Variants in HACL1 observed in about 807,000 individuals in gnomAD.
The protein encoded by HACL1 is 1600020H07Rik.
HACL1 carries 64 observed loss-of-function variants against 74.2 expected under a neutral mutation model. That is an observed-to-expected ratio of 0.86 (90% confidence interval 0.70 to 1.06). HACL1 has a LOEUF of 1.06. Among genes scored for constraint, HACL1 ranks in the 50% least tolerant of loss-of-function variants. HACL1 has a pLI of 0.00. For synonymous variants in HACL1, 230 were observed against 238.8 expected, an observed-to-expected ratio of 0.96 and a Z score of 0.34; for missense variants, 728 against 719.7, an observed-to-expected ratio of 1.01 and a Z score of -0.13.
At chr3:15,591,789 T>C in intron 3 of HACL1, 109 bp from the exon 4 acceptor site, 2 of 637,492 alleles carry the variant, frequency 3.1e-6, no homozygotes, top group Non-Finnish European at 5.7e-6. Flanking sequence ...GACATACAAG[T>C]CTTTACTATA....
At chr3:15,591,902 CTATA>C (rs1285685745) in intron 3 of HACL1, among the ~76,000 whole-genome samples, 2 of 149,704 alleles carry the variant, frequency 1.3e-5, no homozygotes, top group Admixed American at 6.7e-5. Context: ...AGTGTATACA[CTATA>C]TATGTATATA....
chr3:15,570,883 A>C (rs980818489), intron 12 of HACL1, among the ~76,000 whole-genome samples: 5 of 152,104 alleles, frequency 3.3e-5, no homozygotes, highest in African/African-American at 1.2e-4. Context: ...AACAGCTATT[A>C]TAATAGCACG....
At chr3:15,591,871 C>A (rs962436501) in intron 3 of HACL1, among the ~76,000 whole-genome samples, 191 bp from the exon 4 acceptor site, 7 of 150,070 alleles carry the variant, frequency 4.7e-5, no homozygotes, top group African/African-American at 1.7e-4. Flanking sequence ...GATATATATA[C>A]ATACACACAT....
At position 15,563,470 on chromosome 3, in the gene HACL1, A is replaced by G; in HGVS notation, c.1592T>C (p.Phe531Ser). 3.1e-6 allele frequency: 5 copies of G among 1,612,112 alleles called. No individual in the cohort carries two copies. The South Asian group carries it at 5.5e-5, about 18-fold the overall frequency. The part of the protein sequence containing the change: ...VMTAFGGKGY[F>S]VQTPEELQKS... ...TTGGAGTTCTTCTGGTGTTTGTACA[A>G]AATACCCTTTGCCTCCAAATGCAGT... The change falls in exon 16 of 17, where the codon TTT (phenylalanine) becomes TCT (serine). Residue 531 changes from phenylalanine to serine, a missense_variant. Transcript: ENST00000321169.
chr3:15,573,387 T>C lies in HACL1; in HGVS notation c.910-145A>G. ...TTCAGAAGTTCCTTAATAAAAAAAG[T>C]AAAAGTCCATAGAACTATATTAGTA... On this transcript the variant is annotated intron_variant, in intron 10 of 16. Transcript: ENST00000321169. 5.1e-6 allele frequency: 3 copies of C among 593,396 alleles called. No homozygotes were observed. In the South Asian group the frequency reaches 6.4e-5, roughly 13 times the overall value. 36.8% of individuals were successfully genotyped at this position (593,396 alleles called of 1,614,324 possible).
chr3:15,581,838 C>A (rs748550724), intron 8 of HACL1, among the ~76,000 whole-genome samples: 4 of 152,126 alleles, frequency 2.6e-5, no homozygotes, highest in Non-Finnish European at 4.4e-5. Flanking sequence ...TTGTGTAATC[C>A]CTGCCTTATC....
chr3:15,569,256 G>A (rs1169882369), intron 12 of HACL1, among the ~76,000 whole-genome samples: 1 of 152,102 alleles, frequency 6.6e-6, no homozygotes, highest in African/African-American at 2.4e-5. Context: ...TTGTTCTGCT[G>A]GAGATTATAC....
chr3:15,573,228 T>C lies in HACL1; in HGVS notation c.924A>G (p.Ala308=). 2.5e-6 allele frequency: 4 copies of C among 1,603,560 alleles called. No homozygotes were observed. The highest frequency in any genetic ancestry group is 3.4e-6 in the Non-Finnish European group (4 of 1,170,582). The change falls in exon 11 of 17, where the codon GCA becomes GCG. Residue 308 remains alanine, a synonymous_variant. Coordinates refer to ENST00000321169, the MANE Select transcript of HACL1 (RefSeq NM_012260.4). ...DVKFIQVDIC[A]EELGNNVKPA... ...GCTTTACATTATTCCCCAATTCTTC[T>C]GCACAGATATCAACCTAAAAAAGAG...
Position 15,560,904 on chromosome 3 carries a change from A to T in HACL1, c.1705-7T>A. 6.3e-7 allele frequency: 1 copy of T among 1,595,166 alleles called. No homozygotes were observed. Among genetic ancestry groups the T allele is most frequent in the Non-Finnish European group, 8.6e-7 (1 of 1,163,350 alleles). ...GGGTCAGCCAATGAAAATCCTAGAA[A>T]AAGAAGACAACAAACATTCAGTCAA... On this transcript the variant is annotated splice_region_variant and splice_polypyrimidine_tract_variant and intron_variant, in intron 16 of 16. Transcript: ENST00000321169.
chr3:15,583,899 C>T (rs2063751562), intron 7 of HACL1, among the ~76,000 whole-genome samples: 2 of 152,182 alleles, frequency 1.3e-5, no homozygotes, highest in South Asian at 2.1e-4. Context: ...TCAGGTGATC[C>T]ACCCACCTCG....
chr3:15,564,438 A>G, intron 15 of HACL1, 113 bp downstream of exon 15: 2 of 608,682 alleles, frequency 3.3e-6, no homozygotes, highest in East Asian at 3.0e-5. Context: ...CTGACAATCG[A>G]AACGGACAAT....
intron 3 of HACL1, among the ~76,000 whole-genome samples, chr3:15,594,697 C>T (rs2064024110): frequency 6.6e-6 from 1 of 152,184 alleles, no homozygotes; most frequent in Non-Finnish European, 1.5e-5. Context: ...TGAAATGTGG[C>T]TACTACAAAC....
chr3:15,562,079 T>A (rs2063354324), intron 16 of HACL1, among the ~76,000 whole-genome samples: 1 of 152,200 alleles, frequency 6.6e-6, no homozygotes, highest in Admixed American at 6.5e-5. Context: ...AACATCCCAG[T>A]CACTGGAAAG....
chr3:15,570,392 T>C (rs987276661), intron 12 of HACL1, among the ~76,000 whole-genome samples: 2 of 151,804 alleles, frequency 1.3e-5, no homozygotes, highest in Non-Finnish European at 2.9e-5. Context: ...CAATCAATTC[T>C]GCTATAATGT....
Position 15,601,159 on chromosome 3 carries a change from T to G in HACL1, c.117A>C (p.Pro39=). ...VEYIFGIVGI[P]VTEIAIAAQQ... ...GGGCAGCAATGGCGATTTCGGTCAC[T>G]GGGATGCCTACGATGCCAAATATGT... Residue 39 remains proline, a synonymous_variant, in exon 2 of 17, where the codon CCA becomes CCC. Transcript: ENST00000321169. 1 of 1,613,886 alleles carries G rather than the reference T, an allele frequency of 6.2e-7. No individual in the cohort carries two copies. Among genetic ancestry groups the G allele is most frequent in the South Asian group, 1.1e-5 (1 of 91,078 alleles).
chr3:15,581,239 A>C (rs1464867509), intron 8 of HACL1, among the ~76,000 whole-genome samples: 1 of 152,202 alleles, frequency 6.6e-6, no homozygotes, highest in African/African-American at 2.4e-5. Flanking sequence ...GTGCCTGGGA[A>C]TAACCCTCTG....
intron 8 of HACL1, among the ~76,000 whole-genome samples, chr3:15,580,935 CTT>C (rs1161153854): frequency 1.3e-5 from 2 of 152,330 alleles, no homozygotes; most frequent in South Asian, 2.1e-4. Context: ...AAGTCTCACT[CTT>C]GTCACCCAGG....
chr3:15,572,886 G>C (rs2063560658), intron 11 of HACL1, among the ~76,000 whole-genome samples: 1 of 152,158 alleles, frequency 6.6e-6, no homozygotes, highest in African/African-American at 2.4e-5. Context: ...TAATAAATTA[G>C]TAAATTTAGT....
intron 3 of HACL1, among the ~76,000 whole-genome samples, chr3:15,592,481 T>TATACATAC (rs2063949577): frequency 1.4e-5 from 2 of 138,068 alleles, no homozygotes; most frequent in African/African-American, 5.5e-5. Context: ...CACGTATACA[T>TATACATAC]ACACTTGTAT....
Sources: gnomAD v4.1 joint callset for allele counts (sites outside exome capture counted in the v4.1 genomes callset) on GRCh38, gnomAD v4.1.1 for gene constraint, MANE v1.5 for transcripts, NCBI Gene and HGNC (gene_info 2026-07-23, HGNC 2026-07-21) for gene names.